TMTC1: variants seen among roughly 807,000 people sequenced by gnomAD.
TMTC1 encodes the protein transmembrane O-mannosyltransferase targeting cadherins 1, also known as protein O-mannosyl-transferase TMTC1.
A neutral mutation model predicts 104.8 loss-of-function variants in TMTC1; 73 were observed. The ratio of observed to expected loss-of-function variants is 0.70; its 90% CI spans 0.58 to 0.85. TMTC1 has a LOEUF of 0.85. TMTC1 is among the 40% of genes least tolerant of loss of function. The pLI is 0.00. For synonymous variants in TMTC1, 434 were observed against 428.7 expected (o/e 1.01, Z -0.15); for missense variants, 1,035 against 1,096.1 (o/e 0.94, Z 0.79).
At chr12:29,619,837 C>T (rs1413275491) in intron 6 of TMTC1, among the ~76,000 whole-genome samples, 3 of 152,228 alleles carry the variant, frequency 2.0e-5, no homozygotes, top group South Asian at 2.1e-4. Context: ...ACTACCTTCC[C>T]GAACTATGCT....
intron 5 of TMTC1, among the ~76,000 whole-genome samples, chr12:29,703,554 A>G (rs1941661046): frequency 6.6e-6 from 1 of 152,182 alleles, no homozygotes; most frequent in African/African-American, 2.4e-5. Flanking sequence ...TTTCCAAGAT[A>G]CCATTTGCTC....
At chr12:29,667,595 G>A (rs1021981427) in intron 5 of TMTC1, among the ~76,000 whole-genome samples, 4 of 152,196 alleles carry the variant, frequency 2.6e-5, no homozygotes, top group Non-Finnish European at 4.4e-5. Context: ...GGAAAAAAAT[G>A]ATGCCCAGAA....
chr12:29,509,235 C>G (rs1027612146), intron 17 of TMTC1, among the ~76,000 whole-genome samples: 1 of 152,164 alleles, frequency 6.6e-6, no homozygotes, highest in African/African-American at 2.4e-5. Flanking sequence ...TGTGCTATAG[C>G]CTGGTTGATG....
At chr12:29,623,093 T>C (rs1213359730) in intron 6 of TMTC1, among the ~76,000 whole-genome samples, 1 of 152,174 alleles carries the variant, frequency 6.6e-6, no homozygotes, top group African/African-American at 2.4e-5. Flanking sequence ...CAACTAGAGA[T>C]GGAAGTGGCC....
chr12:29,574,933 ACT>A (rs1420066843), intron 8 of TMTC1, among the ~76,000 whole-genome samples: 22 of 152,076 alleles, frequency 1.4e-4, no homozygotes, highest in Non-Finnish European at 4.4e-5. Context: ...TCCAAATACC[ACT>A]GAGTGGCTGT....
intron 5 of TMTC1, among the ~76,000 whole-genome samples, chr12:29,669,283 A>C (rs2136673560): frequency 6.6e-6 from 1 of 152,340 alleles, no homozygotes; most frequent in South Asian, 2.1e-4. Flanking sequence ...TGGTGAACAG[A>C]GAGACTAAAG....
chr12:29,577,489 A>T (rs1945856567), intron 8 of TMTC1, among the ~76,000 whole-genome samples: 1 of 152,284 alleles, frequency 6.6e-6, no homozygotes, highest in Non-Finnish European at 1.5e-5. Flanking sequence ...TTATGGCCTA[A>T]TGAGAACTTG....
At chr12:29,556,457 A>C (rs1453636184) in intron 10 of TMTC1, among the ~76,000 whole-genome samples, 2 of 152,174 alleles carry the variant, frequency 1.3e-5, no homozygotes, top group African/African-American at 4.8e-5. Flanking sequence ...CTCCACACAC[A>C]CACAAAGAAA....
chr12:29,720,233 T>C (rs952444808), intron 5 of TMTC1, among the ~76,000 whole-genome samples: 3 of 152,212 alleles, frequency 2.0e-5, no homozygotes, highest in African/African-American at 7.2e-5. Flanking sequence ...TCCATACTCT[T>C]TCTCCTTGTG....
chr12:29,750,989 GA>G (rs1346095213), intron 5 of TMTC1, among the ~76,000 whole-genome samples: 19 of 152,354 alleles, frequency 1.2e-4, no homozygotes, highest in African/African-American at 4.6e-4. Flanking sequence ...TGGCAGTCTG[GA>G]GCTGCCCAAT....
intron 5 of TMTC1, among the ~76,000 whole-genome samples, chr12:29,693,708 T>C (rs950374355): frequency 2.6e-5 from 4 of 152,242 alleles, no homozygotes; most frequent in African/African-American, 9.6e-5. Flanking sequence ...TCTACTAGTA[T>C]CATTTTTTAT....
At chr12:29,754,485 G>C (rs1314372355) in intron 4 of TMTC1, among the ~76,000 whole-genome samples, 4 of 152,214 alleles carry the variant, frequency 2.6e-5, no homozygotes, top group Non-Finnish European at 5.9e-5. Context: ...TTTGCTGTCA[G>C]TGAGGCATAG....
At chr12:29,697,723 G>A (rs993083089) in intron 5 of TMTC1, among the ~76,000 whole-genome samples, 1 of 152,152 alleles carries the variant, frequency 6.6e-6, no homozygotes, top group African/African-American at 2.4e-5. Context: ...TGATTTTGCA[G>A]GTGAAGTCCA....
chr12:29,660,636 C>T (rs768453539), intron 5 of TMTC1, among the ~76,000 whole-genome samples: 5 of 152,058 alleles, frequency 3.3e-5, no homozygotes, highest in African/African-American at 7.2e-5. Flanking sequence ...TACCTTTGGA[C>T]GCTTTGTAAC....
At chr12:29,703,481 C>A (rs2216979) in intron 5 of TMTC1, among the ~76,000 whole-genome samples, 2 of 151,930 alleles carry the variant, frequency 1.3e-5, no homozygotes, top group African/African-American at 4.8e-5. Context: ...ATACCACCTG[C>A]GAAATACTAC....
chr12:29,778,316 C>T (rs1486855067), intron 1 of TMTC1, among the ~76,000 whole-genome samples: 1 of 152,224 alleles, frequency 6.6e-6, no homozygotes, highest in African/African-American at 2.4e-5. Context: ...CTTCCACCTG[C>T]TTACTGAATG....
In TMTC1 at chr12:29,516,006, A is replaced by G. The variant is rs141745813; in HGVS notation, c.2307+343T>C. 3.6e-3 allele frequency among the ~76,000 whole-genome samples: 549 copies of G among 151,318 alleles called. 1 individual carries two copies. Among genetic ancestry groups the G allele is most frequent in the African/African-American group, 0.012 (515 of 41,302 alleles). On this transcript the variant is annotated intron_variant, in intron 15 of 17. Coordinates refer to ENST00000539277, the MANE Select transcript of TMTC1 (RefSeq NM_001193451.2). ...AATCCTCATAACAACCCTGTAAAGC[A>G]TGGTTGTTATGAGGATTACATAAAA...
intron 5 of TMTC1, among the ~76,000 whole-genome samples, chr12:29,705,191 C>T (rs1488833121): frequency 6.6e-6 from 1 of 152,136 alleles, no homozygotes; most frequent in Non-Finnish European, 1.5e-5. Flanking sequence ...CTGACTCTAT[C>T]ACCACCGTGG....
chr12:29,672,517 C>T (rs1206415381), intron 5 of TMTC1, among the ~76,000 whole-genome samples: 1 of 152,176 alleles, frequency 6.6e-6, no homozygotes, highest in African/African-American at 2.4e-5. Flanking sequence ...GGAACATAGG[C>T]TGGGGTTTGT....
Sources: allele counts gnomAD v4.1 joint callset (sites outside exome capture counted in the v4.1 genomes callset), GRCh38; gene constraint gnomAD v4.1.1; transcripts MANE v1.5; gene names NCBI Gene and HGNC (gene_info 2026-07-23, HGNC 2026-07-21).